Variants in PDE10A observed in about 807,000 individuals in gnomAD.
PDE10A encodes phosphodiesterase 10A, also known as cAMP and cAMP-inhibited cGMP 3',5'-cyclic phosphodiesterase 10A.
In PDE10A, 39 loss-of-function variants were observed where a neutral mutation model predicts 97.7. That is an observed-to-expected ratio of 0.40 (90% CI 0.31 to 0.52). The LOEUF (loss-of-function observed/expected upper bound fraction) is 0.52, where lower values mean the gene tolerates loss of function less well. Ranked by LOEUF, PDE10A falls within the 20% of genes least tolerant of loss-of-function variation. The pLI, the probability that PDE10A is intolerant of heterozygous loss-of-function variation, is 0.56. For synonymous variants in PDE10A, 371 were observed against 376.8 expected, an observed-to-expected ratio of 0.98 and a Z score of 0.18; for missense variants, 731 against 1,047.8, an observed-to-expected ratio of 0.70 and a Z score of 4.17.
At chr6:165,403,181 G>A (rs1426306377) in intron 13 of PDE10A, among the ~76,000 whole-genome samples, 1 of 152,196 alleles carries the variant, frequency 6.6e-6, no homozygotes, top group African/African-American at 2.4e-5. Context: ...GAAGCTCTCA[G>A]CGCTATCAGC....
At chr6:165,798,333 G>T (rs1294099730) in intron 1 of PDE10A, among the ~76,000 whole-genome samples, 1 of 152,110 alleles carries the variant, frequency 6.6e-6, no homozygotes, top group Non-Finnish European at 1.5e-5. Context: ...GAGGCATTAC[G>T]GGGAGAAAGG....
intron 1 of PDE10A, among the ~76,000 whole-genome samples, chr6:165,977,958 T>C (rs1290557202): frequency 6.6e-6 from 1 of 152,186 alleles, no homozygotes; most frequent in Non-Finnish European, 1.5e-5. Flanking sequence ...TCCCACAGAT[T>C]AAAGTTTGAA....
intron 18 of PDE10A, among the ~76,000 whole-genome samples, chr6:165,374,585 T>C (rs749407132): frequency 2.6e-5 from 4 of 152,240 alleles, no homozygotes; most frequent in Non-Finnish European, 5.9e-5. Context: ...GGTCAGAGAC[T>C]GGCGTATTTA....
chr6:165,754,766 A>T (rs2128456643), intron 1 of PDE10A, among the ~76,000 whole-genome samples: 1 of 152,300 alleles, frequency 6.6e-6, no homozygotes, highest in East Asian at 1.9e-4. Context: ...TAATAGTAAT[A>T]GTCCCTTATT....
chr6:165,897,776 A>G (rs902306827), intron 1 of PDE10A, among the ~76,000 whole-genome samples: 56 of 151,900 alleles, frequency 3.7e-4, no homozygotes, highest in Admixed American at 2.2e-3. Flanking sequence ...TTCTCCCCCA[A>G]TGAGATGCAG....
At chr6:165,338,713 C>T (rs1357884843) in intron 20 of PDE10A, among the ~76,000 whole-genome samples, 2 of 152,176 alleles carry the variant, frequency 1.3e-5, no homozygotes, top group Non-Finnish European at 2.9e-5. Flanking sequence ...AATTCAAATT[C>T]ATCCACCCCC....
At chr6:165,950,587 G>T (rs564741895) in intron 1 of PDE10A, among the ~76,000 whole-genome samples, 22 of 152,292 alleles carry the variant, frequency 1.4e-4, no homozygotes, top group African/African-American at 4.8e-4. Context: ...GCAAGTGGGC[G>T]TTCACAGGAG....
intron 1 of PDE10A, among the ~76,000 whole-genome samples, chr6:165,833,695 G>A (rs947460369): frequency 4.6e-5 from 7 of 152,236 alleles, no homozygotes; most frequent in Admixed American, 1.3e-4. Flanking sequence ...AATTCTTCTC[G>A]AGATGTTCTT....
Position 165,332,160 on chromosome 6 carries a change from T to C in PDE10A, c.*865A>G, listed in dbSNP as rs915814056. On this transcript the variant is annotated 3_prime_UTR_variant, in exon 22 of 22. Coordinates refer to ENST00000539869, the MANE Select transcript of PDE10A (RefSeq NM_001385079.1). Reference sequence around the variant, plus strand: ...CATTATGAAAAATGTACCCTTCGTATCCATAAGACTTGTCCATTAAAAAAA... The same window carrying C: ...CATTATGAAAAATGTACCCTTCGTACCCATAAGACTTGTCCATTAAAAAAA... 2 of 152,168 alleles carry C rather than the reference T, an allele frequency of 1.3e-5. No homozygotes were observed. Among genetic ancestry groups the C allele is most frequent in the Non-Finnish European group, 2.9e-5 (2 of 68,030 alleles). The allele number at this position is 152,168 out of a possible 1,614,324, so 9.4% of individuals were successfully genotyped here. A position where few individuals can be genotyped will look rare whatever the true frequency, so the allele number is the denominator to read the frequency against.
At chr6:165,600,433 C>A (rs1476514969) in intron 1 of PDE10A, among the ~76,000 whole-genome samples, 1 of 152,248 alleles carries the variant, frequency 6.6e-6, no homozygotes, top group African/African-American at 2.4e-5. Flanking sequence ...AGGACGCTTG[C>A]TTCTTTCTGT....
chr6:165,384,645 T>TGA (rs1785153738), intron 17 of PDE10A, among the ~76,000 whole-genome samples: 1 of 85,112 alleles, frequency 1.2e-5, no homozygotes, highest in Non-Finnish European at 2.2e-5. Flanking sequence ...TGTGTGTGTG[T>TGA]GTGTGTGTGT....
At chr6:165,518,235 A>G (rs1355342830) in intron 2 of PDE10A, among the ~76,000 whole-genome samples, 1 of 152,212 alleles carries the variant, frequency 6.6e-6, no homozygotes, top group Non-Finnish European at 1.5e-5. Context: ...ATGACCAAAC[A>G]TGAGTAGGTA....
At chr6:165,599,586 T>C (rs1263547239) in intron 1 of PDE10A, among the ~76,000 whole-genome samples, 1 of 152,230 alleles carries the variant, frequency 6.6e-6, no homozygotes, top group Non-Finnish European at 1.5e-5. Flanking sequence ...CATTTTAGTA[T>C]CATAAAACTT....
chr6:165,821,309 A>G (rs966242609), intron 1 of PDE10A, among the ~76,000 whole-genome samples: 11 of 152,152 alleles, frequency 7.2e-5, no homozygotes, highest in African/African-American at 1.9e-4. Flanking sequence ...TGACAACCTG[A>G]CCTTTCCTTC....
At chr6:165,407,886 G>A (rs1354254107) in intron 13 of PDE10A, among the ~76,000 whole-genome samples, 4 of 152,162 alleles carry the variant, frequency 2.6e-5, no homozygotes, top group African/African-American at 4.8e-5. Flanking sequence ...TTCCCAGTAT[G>A]TTAGCTCAAT....
At chr6:165,701,788 T>C (rs1474332865) in intron 1 of PDE10A, among the ~76,000 whole-genome samples, 1 of 151,666 alleles carries the variant, frequency 6.6e-6, no homozygotes, top group East Asian at 1.9e-4. Context: ...TGTGTGTGTG[T>C]GCATGTGTGT....
rs1781190077 is a variant in PDE10A, at chr6:165,328,860, T to C, written c.*4165A>G. On this transcript the variant is annotated 3_prime_UTR_variant, in exon 22 of 22. Coordinates refer to ENST00000539869, the MANE Select transcript of PDE10A (RefSeq NM_001385079.1). ...AAAAAAGTGTGCACTGCATTGGATATTACTAATTTAAACAATATAAATGGT... is the reference window on the plus strand; with the variant it reads ...AAAAAAGTGTGCACTGCATTGGATACTACTAATTTAAACAATATAAATGGT... 1.3e-5 allele frequency: 2 copies of C among 152,212 alleles called. No homozygotes were observed. Among genetic ancestry groups the C allele is most frequent in the African/African-American group, 4.8e-5 (2 of 41,456 alleles). The allele number at this position is 152,212 out of a possible 1,614,324, so 9.4% of individuals were successfully genotyped here.
At position 165,413,870 on chromosome 6, in the gene PDE10A, C is replaced by T. The variant is rs1270950277; in HGVS notation, c.1890-183G>A. On this transcript the variant is annotated intron_variant, in intron 12 of 21. Coordinates refer to ENST00000539869, the MANE Select transcript of PDE10A (RefSeq NM_001385079.1). ...AACATTCCACAGAGTTTTATTAAAA[C>T]CTTTCCAAAAATATTCTAATCTGTT... Among the ~76,000 whole-genome samples the T allele has an allele frequency of 2.6e-5, 4 of 152,156 alleles. No homozygotes were observed. The East Asian group carries it at 7.7e-4, about 29-fold the overall frequency.
At chr6:165,556,781 G>GA (rs1415156725) in intron 1 of PDE10A, among the ~76,000 whole-genome samples, 1 of 151,958 alleles carries the variant, frequency 6.6e-6, no homozygotes, top group Non-Finnish European at 1.5e-5. Flanking sequence ...TTTAAAATAA[G>GA]AATTTAAAAT....
Sources: allele counts gnomAD v4.1 joint callset (sites outside exome capture counted in the v4.1 genomes callset), GRCh38; gene constraint gnomAD v4.1.1; transcripts MANE v1.5; gene names NCBI Gene and HGNC (gene_info 2026-07-23, HGNC 2026-07-21).